The following SIRPG variants were observed in gnomAD, a reference collection of about 807,000 sequenced individuals.
SIRPG encodes the protein signal-regulatory protein gamma.
A neutral mutation model predicts 35.7 loss-of-function variants in SIRPG; 38 were observed. The observed-to-expected ratio is 1.06, with a 90% CI of 0.82 to 1.40. The LOEUF is 1.40. Ranked by LOEUF, SIRPG falls within the 40% of genes most tolerant of loss-of-function variation. The pLI, the probability that SIRPG is intolerant of heterozygous loss-of-function variation, is 0.00. For missense variants in SIRPG, 519 were observed against 483.0 expected (o/e 1.07, Z -0.70); for synonymous variants, 215 against 190.4 (o/e 1.13, Z -1.06).
At chr20:1,669,063 C>A in the SIRPG span, among the ~76,000 whole-genome samples, 1 of 152,140 alleles carries the variant, frequency 6.6e-6, no homozygotes, top group Non-Finnish European at 1.5e-5. Context: ...GAGAGGGAAA[C>A]AGGACATATT....
chr20:1,644,546 G>A (rs192392465), intron 2 of SIRPG, among the ~76,000 whole-genome samples: 2 of 152,190 alleles, frequency 1.3e-5, no homozygotes, highest in Admixed American at 1.3e-4. Flanking sequence ...AGCTCAGATG[G>A]CTTAAACAGC....
chr20:1,635,355 C>T lies in SIRPG; in HGVS notation c.993G>A (p.Val331=). The T allele has an allele frequency of 6.2e-7, 1 of 1,614,196 alleles. No individual in the cohort carries two copies. Among genetic ancestry groups the T allele is most frequent in the East Asian group, 2.2e-5 (1 of 44,888 alleles). The change falls in exon 4 of 6, where the codon GTG becomes GTA. Residue 331 remains valine, a synonymous_variant. Transcript: ENST00000303415. The part of the protein sequence containing the change: ...QRDDVVLTCQ[V]KHDGQLAVSK... ...TGACCGCCAGCTGCCCATCATGCTT[C>T]ACCTGGCAGGTGAGGACCACATCAT...
chr20:1,638,132 C>T (rs1047908001), intron 2 of SIRPG, among the ~76,000 whole-genome samples: 1 of 152,176 alleles, frequency 6.6e-6, no homozygotes, highest in Non-Finnish European at 1.5e-5. Context: ...TTCTTGGGAG[C>T]CTGATGCTGG....
intron 4 of SIRPG, among the ~76,000 whole-genome samples, chr20:1,634,822 T>A (rs535038506): frequency 6.6e-6 from 1 of 151,760 alleles, no homozygotes; most frequent in Non-Finnish European, 1.5e-5. Flanking sequence ...GGCGGGCGGA[T>A]CACGAGGTCA....
At chr20:1,646,280 C>G (rs2091896802) in intron 2 of SIRPG, 1 of 152,216 alleles carries the variant, frequency 6.6e-6, no homozygotes. Flanking sequence ...GGTGCCCAGG[C>G]CCAGATACAC....
intron 4 of SIRPG, among the ~76,000 whole-genome samples, chr20:1,631,221 G>A (rs1034308731): frequency 1.3e-5 from 2 of 152,164 alleles, no homozygotes; most frequent in Non-Finnish European, 2.9e-5. Flanking sequence ...AAGAAATGGA[G>A]AACTCAGCAT....
the SIRPG span, among the ~76,000 whole-genome samples, chr20:1,671,660 C>T: frequency 2.0e-5 from 3 of 152,222 alleles, no homozygotes; most frequent in East Asian, 5.8e-4. Context: ...GAGATTTACC[C>T]ACATATGTAT....
chr20:1,645,151 A>G (rs1035998948), intron 2 of SIRPG, among the ~76,000 whole-genome samples: 4 of 152,114 alleles, frequency 2.6e-5, no homozygotes, highest in Non-Finnish European at 5.9e-5. Flanking sequence ...CGGAAACTCT[A>G]TCTTGGGTCC....
the SIRPG span, among the ~76,000 whole-genome samples, chr20:1,685,360 G>A: frequency 6.6e-6 from 1 of 152,136 alleles, no homozygotes; most frequent in South Asian, 2.1e-4. Context: ...AAGCTATTTA[G>A]TTACATGAGG....
chr20:1,665,157 G>T, the SIRPG span: 12 of 153,116 alleles, frequency 7.8e-5, no homozygotes, highest in Middle Eastern at 1.9e-3. Flanking sequence ...GGGTGCAGAG[G>T]GAGCTCGGTT....
chr20:1,640,759 T>G (rs1477413296), intron 2 of SIRPG, among the ~76,000 whole-genome samples: 3 of 152,190 alleles, frequency 2.0e-5, no homozygotes, highest in African/African-American at 7.2e-5. Flanking sequence ...CATAAATAGT[T>G]CTTTTTATTT....
intron 1 of SIRPG, among the ~76,000 whole-genome samples, chr20:1,650,720 CTT>C (rs1214944025): frequency 1.3e-5 from 2 of 152,128 alleles, no homozygotes; most frequent in Non-Finnish European, 2.9e-5. Flanking sequence ...CCTTCACAAA[CTT>C]AATAAAATAC....
At chr20:1,672,078 C>T in the SIRPG span, among the ~76,000 whole-genome samples, 1 of 152,112 alleles carries the variant, frequency 6.6e-6, no homozygotes, top group Non-Finnish European at 1.5e-5. Flanking sequence ...GAAGTGGTGC[C>T]ATTGTGAGAG....
chr20:1,665,047 C>T, the SIRPG span, among the ~76,000 whole-genome samples: 20 of 152,278 alleles, frequency 1.3e-4, no homozygotes, highest in African/African-American at 4.6e-4. Context: ...CCTAAGGCAC[C>T]GTGGACACCT....
the SIRPG span, among the ~76,000 whole-genome samples, chr20:1,668,150 T>TTTTTCTTTTCTTTTC: frequency 4.7e-4 from 53 of 113,216 alleles, no homozygotes; most frequent in African/African-American, 1.6e-3. Context: ...TTCTTTTCTT[T>TTTTTCTTTTCTTTTC]TTTTCTTTTC....
At chr20:1,686,423 C>G in the SIRPG span, among the ~76,000 whole-genome samples, 1 of 152,198 alleles carries the variant, frequency 6.6e-6, no homozygotes, top group Non-Finnish European at 1.5e-5. Context: ...CCTCAGGAGC[C>G]TGCTCCGTCC....
chr20:1,646,007 A>T (rs191520168), intron 2 of SIRPG: 33 of 152,324 alleles, frequency 2.2e-4, no homozygotes, highest in African/African-American at 7.7e-4. Context: ...TTACAGAGAG[A>T]ACCTCAAATC....
chr20:1,681,811 G>T, the SIRPG span, among the ~76,000 whole-genome samples: 2 of 152,152 alleles, frequency 1.3e-5, no homozygotes, highest in Non-Finnish European at 2.9e-5. Flanking sequence ...ACTCCAGCCT[G>T]GGTGACAGAG....
the SIRPG span, among the ~76,000 whole-genome samples, chr20:1,678,224 T>C: frequency 6.8e-6 from 1 of 146,654 alleles, no homozygotes; most frequent in East Asian, 2.3e-4. Flanking sequence ...TCCTCCTTCT[T>C]ATAAGGACTC....
Sources: gnomAD v4.1 joint callset for allele counts (sites outside exome capture counted in the v4.1 genomes callset) on GRCh38, gnomAD v4.1.1 for gene constraint, MANE v1.5 for transcripts, NCBI Gene and HGNC (gene_info 2026-07-23, HGNC 2026-07-21) for gene names.